PRDM16: variants seen among roughly 807,000 people sequenced by gnomAD.
The protein encoded by PRDM16 is PR/SET domain 16.
Under a neutral mutation model 110.6 loss-of-function variants are expected in PRDM16, and 23 were observed. That is an observed-to-expected ratio of 0.21 (90% CI 0.15 to 0.29). The LOEUF is 0.29. PRDM16 is among the 10% of genes least tolerant of loss of function. The pLI is 1.00. For missense variants in PRDM16, 1,615 were observed against 1,794.3 expected (o/e 0.90, Z 1.81); for synonymous variants, 799 against 781.8 (o/e 1.02, Z -0.37).
At position 3,415,962 on chromosome 1, in the gene PRDM16, T is replaced by C. The variant is rs150387750; in HGVS notation, c.2691+1315T>C. ...CTGCGGAGGGGCTGGTGAGGCCCAG[T>C]TGATGGCTCAGGGAGCAAGGCAGCT... On this transcript the variant is annotated intron_variant, in intron 10 of 16. Transcript: ENST00000270722. Among the ~76,000 whole-genome samples, 283 of 152,352 alleles carry C rather than the reference T, an allele frequency of 1.9e-3. 2 individuals are homozygous for C. The highest frequency in any genetic ancestry group is 6.5e-3 in the African/African-American group (271 of 41,592).
chr1:3,206,040 C>G lies in PRDM16; in HGVS notation c.387+19566C>G, dbSNP rs957848180. ...CCTCCCAGCTGTGTGTGAGCGAGAC[C>G]GGGGCTAACAGCCCCCTACCTGCGT... is the stretch of plus-strand genomic sequence containing the variant. On this transcript the variant is annotated intron_variant, in intron 2 of 16. Transcript: ENST00000270722. This position sits in a 1 kb window ranked among gnomAD's most constrained non-coding sequence, Gnocchi z 4.9. 1 of 152,294 alleles carries G rather than the reference C, an allele frequency of 6.6e-6. No homozygotes were observed. Among genetic ancestry groups the G allele is most frequent in the Non-Finnish European group, 1.5e-5 (1 of 68,088 alleles). 9.4% of individuals were successfully genotyped at this position (152,294 alleles called of 1,614,324 possible).
rs373594199 is a variant in PRDM16, at chr1:3,352,457, C to A, written c.439-32695C>A. ...CCGCAGTGGGCTGGGGGAGGGGACA[C>A]GGATTCCAGTAGCATTTCCGCCCTC... On this transcript the variant is annotated intron_variant, in intron 3 of 16. Coordinates refer to ENST00000270722, the MANE Select transcript of PRDM16 (RefSeq NM_022114.4). Among the ~76,000 whole-genome samples, 21 of 152,302 alleles carry A rather than the reference C, an allele frequency of 1.4e-4. No homozygotes were observed. In the South Asian group the frequency reaches 4.4e-3, roughly 32 times the overall value.
At chr1:3,296,154 G>A (rs909014865) in intron 3 of PRDM16, among the ~76,000 whole-genome samples, 15 of 152,188 alleles carry the variant, frequency 9.9e-5, no homozygotes, top group African/African-American at 3.4e-4. Context: ...GGAACCGTAC[G>A]GGTCATGGTG....
chr1:3,384,582 G>C (rs976950122), intron 3 of PRDM16, among the ~76,000 whole-genome samples: 3 of 152,224 alleles, frequency 2.0e-5, no homozygotes, highest in Non-Finnish European at 4.4e-5. Context: ...GTGACTTTGC[G>C]GGCGTGGTGA....
intron 1 of PRDM16, among the ~76,000 whole-genome samples, chr1:3,104,368 G>T (rs765816680): frequency 1.3e-5 from 2 of 152,208 alleles, no homozygotes; most frequent in African/African-American, 4.8e-5. Context: ...GCTGGGAGGG[G>T]CTGGAAGGCA....
chr1:3,283,253 A>G (rs1450250107), intron 3 of PRDM16, among the ~76,000 whole-genome samples: 2 of 152,184 alleles, frequency 1.3e-5, no homozygotes, highest in African/African-American at 4.8e-5. Flanking sequence ...TGTCCCTGCA[A>G]TGGAGGTGCC....
In PRDM16 at chr1:3,147,069, GGT is replaced by G. The variant is rs752679112; in HGVS notation, c.38-39049_38-39048del. The stretch of plus-strand genomic sequence containing the variant: ...GTGTGCACGTGTGTGCTCAGTGTGG[GGT>G]GTGTGTATGTGTGCGCTCGGTGTGG... On this transcript the variant is annotated intron_variant, in intron 1 of 16. Transcript: ENST00000270722. Among the ~76,000 whole-genome samples the G allele has an allele frequency of 3.1e-4, 40 of 129,762 alleles. 1 individual carries two copies. The highest frequency in any genetic ancestry group is 5.5e-4 in the African/African-American group (17 of 30,708). The allele number at this position is 129,762 out of a possible 152,430, so 85.1% of individuals were successfully genotyped here.
At chr1:3,144,010 G>A (rs1643599922) in intron 1 of PRDM16, among the ~76,000 whole-genome samples, 1 of 152,208 alleles carries the variant, frequency 6.6e-6, no homozygotes, top group African/African-American at 2.4e-5. Context: ...AGACAGCTGC[G>A]TGGCCACCTG....
In PRDM16 at chr1:3,225,403, C is replaced by T. The variant is rs2817153; in HGVS notation, c.388-18684C>T. Among the ~76,000 whole-genome samples the T allele has an allele frequency of 4.1e-4, 62 of 152,126 alleles. 1 individual carries two copies. Among genetic ancestry groups the T allele is most frequent in the African/African-American group, 1.4e-3 (57 of 41,410 alleles). On this transcript the variant is annotated intron_variant, in intron 2 of 16. Transcript: ENST00000270722. ...TCTCCTCTCTGCCCTACCTTTAGTGCGTGCCTGTGTGCGCTGGTCCCCGTC... is the reference window on the plus strand; with the variant it reads ...TCTCCTCTCTGCCCTACCTTTAGTGTGTGCCTGTGTGCGCTGGTCCCCGTC...
chr1:3,404,610 G>A, intron 6 of PRDM16, 129 bp from the exon 7 acceptor site: 2 of 1,147,470 alleles, frequency 1.7e-6, no homozygotes, highest in Non-Finnish European at 2.4e-6. Context: ...ACACCAGCAT[G>A]TGCTCTGATC....
intron 3 of PRDM16, among the ~76,000 whole-genome samples, chr1:3,361,460 G>A (rs892168455): frequency 6.6e-6 from 1 of 152,256 alleles, no homozygotes; most frequent in African/African-American, 2.4e-5. Flanking sequence ...GATAATTGCA[G>A]TTTTGTGGAG....
chr1:3,300,892 A>G (rs747834530), intron 3 of PRDM16, among the ~76,000 whole-genome samples: 2 of 152,276 alleles, frequency 1.3e-5, no homozygotes, highest in Admixed American at 1.3e-4. Context: ...AAGACTTGCT[A>G]TCACCCTCGC....
chr1:3,357,587 T>A (rs1176751216), intron 3 of PRDM16, among the ~76,000 whole-genome samples: 1 of 139,934 alleles, frequency 7.1e-6, no homozygotes, highest in African/African-American at 3.3e-5. Context: ...CCAGTGCTGA[T>A]GGAGAGGGGC....
Position 3,431,988 on chromosome 1 carries a change from G to A in PRDM16, c.3544G>A (p.Gly1182Ser), listed in dbSNP as rs201703870. 122 of 1,613,736 alleles carry A rather than the reference G, an allele frequency of 7.6e-5. No homozygotes were observed. Among genetic ancestry groups the A allele is most frequent in the African/African-American group, 2.0e-4 (15 of 75,054 alleles). Residue 1182 changes from glycine (G) to serine (S), a missense_variant, in exon 16 of 17, where the codon GGT (glycine) becomes AGT (serine). This residue lies in a region of PRDM16 where 327 missense variants were observed against 359.3 expected (regional missense o/e 0.91). Coordinates refer to ENST00000270722, the MANE Select transcript of PRDM16 (RefSeq NM_022114.4). ...CAGGTGTGCTGAGGACCACGAAGGCGGTCTGTTAGCTTTGGAGCCGATGCC... is the reference window on the plus strand; with the variant it reads ...CAGGTGTGCTGAGGACCACGAAGGCAGTCTGTTAGCTTTGGAGCCGATGCC... ...TRRCAEDHEG[G>S]LLALEPMPTF...
rs7417630 is a variant in PRDM16 at position 3,157,348 on chromosome 1, C to T, written c.38-28777C>T. ...TTTTGTTGTGTTTACCGCATTTATT[C>T]TATTGATTGACTGAATTTACAGCAT... On this transcript the variant is annotated intron_variant, in intron 1 of 16. Transcript: ENST00000270722. The surrounding 1 kb of genome is among the most constrained non-coding windows in gnomAD (Gnocchi z 4.8). Among the ~76,000 whole-genome samples, 1 of 149,086 alleles carries T rather than the reference C, an allele frequency of 6.7e-6. No homozygotes were observed. The highest frequency in any genetic ancestry group is 1.5e-5 in the Non-Finnish European group (1 of 67,686).
intron 3 of PRDM16, among the ~76,000 whole-genome samples, chr1:3,287,912 A>G (rs1322028537): frequency 6.6e-6 from 1 of 152,342 alleles, no homozygotes; most frequent in Admixed American, 6.5e-5. Flanking sequence ...AGCCTCGCAC[A>G]CCCTCAGGTT....
chr1:3,430,609 A>G (rs1226723192), intron 14 of PRDM16, among the ~76,000 whole-genome samples: 4 of 152,132 alleles, frequency 2.6e-5, no homozygotes, highest in Non-Finnish European at 5.9e-5. Flanking sequence ...CCTCCCGGCC[A>G]TAGCAGCTTG....
intron 4 of PRDM16, among the ~76,000 whole-genome samples, chr1:3,391,819 A>C (rs1643305948): frequency 6.6e-6 from 1 of 152,230 alleles, no homozygotes. Context: ...GAGGCCGGCC[A>C]GAGGCAGGCT....
chr1:3,242,657 G>T (rs1195905912), intron 2 of PRDM16, among the ~76,000 whole-genome samples: 1 of 152,246 alleles, frequency 6.6e-6, no homozygotes, highest in East Asian at 1.9e-4. Context: ...AGGGTGACCC[G>T]GAAGGCGATG....
Sources: allele counts gnomAD v4.1 joint callset (sites outside exome capture counted in the v4.1 genomes callset), GRCh38; gene constraint gnomAD v4.1.1; regional missense constraint gnomAD v4.1.1; non-coding constraint Gnocchi (gnomAD v3.1); transcripts MANE v1.5; gene names NCBI Gene and HGNC (gene_info 2026-07-23, HGNC 2026-07-21).